Variants in SNX32 observed in about 807,000 individuals in gnomAD.
SNX32 encodes sorting nexin 32, also known as sorting nexin-32.
In SNX32, 58 loss-of-function variants were observed where a neutral mutation model predicts 57.0. That is an observed-to-expected ratio of 1.02 (90% confidence interval 0.82 to 1.27). SNX32 has a LOEUF of 1.27. Among genes scored for constraint, SNX32 ranks in the 50% most tolerant of loss-of-function variants. SNX32 has a pLI of 0.00. For missense variants in SNX32, 589 were observed against 541.2 expected (o/e 1.09, Z -0.88); for synonymous variants, 262 against 220.4 (o/e 1.19, Z -1.67).
chr11:65,850,157 C>CG lies in SNX32; in HGVS notation c.260_261insG (p.Ala88SerfsTer8), dbSNP rs1289661436. Reference sequence around the variant, plus strand: ...CGTCCCTCCTTTGAGCAGATCCCCCCAGCCCCTCCGAGGCCAGACTTTGAG... The same window carrying CG: ...CGTCCCTCCTTTGAGCAGATCCCCCCGAGCCCCTCCGAGGCCAGACTTTGAG... On this transcript the variant is annotated frameshift_variant, in exon 4 of 13. Transcript: ENST00000308342. LOFTEE classifies it high-confidence loss of function. 1 of 1,614,156 alleles carries CG rather than the reference C, an allele frequency of 6.2e-7. No individual in the cohort carries two copies. Among genetic ancestry groups the CG allele is most frequent in the African/African-American group, 1.3e-5 (1 of 74,952 alleles).
intron 1 of SNX32, among the ~76,000 whole-genome samples, chr11:65,843,033 G>A (rs1858890176): frequency 6.7e-6 from 1 of 149,044 alleles, no homozygotes; most frequent in South Asian, 2.1e-4. Flanking sequence ...GACCATCCTG[G>A]CTAACATGGT....
Position 65,849,585 on chromosome 11 carries a change from G to T in SNX32, c.141+3G>T. ...TGAAATTCACTGTTCAAACAAAGGT[G>T]AGGCAGTGCGGGGCACGAGGAAAGG... On this transcript the variant is annotated splice_donor_region_variant and intron_variant, in intron 2 of 12. Coordinates refer to ENST00000308342, the MANE Select transcript of SNX32 (RefSeq NM_152760.3). 6.2e-7 allele frequency: 1 copy of T among 1,613,712 alleles called. No homozygotes were observed. Among genetic ancestry groups the T allele is most frequent in the South Asian group, 1.1e-5 (1 of 91,074 alleles).
chr11:65,847,283 A>G (rs964726854), intron 1 of SNX32, among the ~76,000 whole-genome samples: 2 of 151,990 alleles, frequency 1.3e-5, no homozygotes, highest in African/African-American at 2.4e-5. Flanking sequence ...CCTCTCTCCC[A>G]AAGTGCTGGA....
chr11:65,846,919 G>T (rs962557487), intron 1 of SNX32, among the ~76,000 whole-genome samples: 2 of 151,798 alleles, frequency 1.3e-5, no homozygotes, highest in East Asian at 3.9e-4. Flanking sequence ...GGAGGCGGAG[G>T]TTGTGGTGGG....
chr11:65,851,606 C>A, intron 8 of SNX32, 34 bp from the exon 9 acceptor site: 2 of 1,613,176 alleles, frequency 1.2e-6, no homozygotes, highest in Non-Finnish European at 1.7e-6. Flanking sequence ...GTTCCTCAGC[C>A]CCCTACCCTA....
Position 65,850,768 on chromosome 11 carries a change from G to T in SNX32, c.516G>T (p.Lys172Asn). The T allele has an allele frequency of 6.2e-7, 1 of 1,614,108 alleles. No individual in the cohort carries two copies. Among genetic ancestry groups the T allele is most frequent in the East Asian group, 2.2e-5 (1 of 44,866 alleles). Residue 172 changes from lysine to asparagine, a missense_variant, in exon 6 of 13, where the codon AAG becomes AAT. Lys to Asn is a moderately conservative substitution (Grantham distance 94). Coordinates refer to ENST00000308342, the MANE Select transcript of SNX32 (RefSeq NM_152760.3). ...TGCCTCAGCTGAGTGTCCGGGGGAA[G>T]AACAGGAAGGAGCTCCTCGGAGGGT... is the stretch of plus-strand genomic sequence containing the variant. Reference protein sequence around the residue: ...EYGQDLSVRGKNRKELLGGFL... With the variant: ...EYGQDLSVRGNNRKELLGGFL...
At position 65,850,811 on chromosome 11, in the gene SNX32, A is replaced by G. The variant is rs1859160625; in HGVS notation, c.559A>G (p.Lys187Glu). ...LLGGFLRNIV[K>E]SADEALITGM... ...CGGAGGGTTTCTGAGGAATATTGTG[A>G]AGTCCGCGGATGAAGCCCTCATCAC... is the stretch of plus-strand genomic sequence containing the variant. Residue 187 changes from lysine to glutamate, a missense_variant, in exon 6 of 13, where the codon AAG (lysine) becomes GAG (glutamate). Transcript: ENST00000308342. 7.4e-6 allele frequency: 12 copies of G among 1,614,036 alleles called. No homozygotes were observed. Among genetic ancestry groups the G allele is most frequent in the Non-Finnish European group, 1.0e-5 (12 of 1,179,960 alleles).
Position 65,833,980 on chromosome 11 carries a change from T to G in SNX32, c.-86T>G. 1 of 1,461,834 alleles carries G rather than the reference T, an allele frequency of 6.8e-7. No homozygotes were observed. The highest frequency in any genetic ancestry group is 2.1e-5 in the Admixed American group (1 of 48,570). 90.6% of individuals were successfully genotyped at this position (1,461,834 alleles called of 1,614,324 possible). A position where few individuals can be genotyped will look rare whatever the true frequency, so the allele number is the denominator to read the frequency against. On this transcript the variant is annotated 5_prime_UTR_variant, in exon 1 of 13. Coordinates refer to ENST00000308342, the MANE Select transcript of SNX32 (RefSeq NM_152760.3). ...GCGTCCCCGTCAGCTGAGAGCATCC[T>G]CACTCGGTCAGTTCCTCGGGCGAGT...
chr11:65,850,293 T>G (rs1430999251), intron 4 of SNX32, 22 bp downstream of exon 4: 1 of 1,614,008 alleles, frequency 6.2e-7, no homozygotes, highest in Non-Finnish European at 8.5e-7. Context: ...CTCCTTTCCC[T>G]GCCATCCCCA....
rs201547121 is a variant in SNX32, at chr11:65,850,147, C to T, written c.253-3C>T. ...CTCCCAGCTCCGTCCCTCCTTTGAG[C>T]AGATCCCCCCAGCCCCTCCGAGGCC... is the stretch of plus-strand genomic sequence containing the variant. On this transcript the variant is annotated splice_polypyrimidine_tract_variant and splice_region_variant and intron_variant, in intron 3 of 12. Coordinates refer to ENST00000308342, the MANE Select transcript of SNX32 (RefSeq NM_152760.3). 4.0e-5 allele frequency: 64 copies of T among 1,614,118 alleles called. No homozygotes were observed. Among genetic ancestry groups the T allele is most frequent in the Non-Finnish European group, 5.3e-5 (63 of 1,180,042 alleles).
chr11:65,836,682 G>T (rs1401862432), intron 1 of SNX32, among the ~76,000 whole-genome samples: 1 of 152,164 alleles, frequency 6.6e-6, no homozygotes, highest in Non-Finnish European at 1.5e-5. Flanking sequence ...ACTGGATAGA[G>T]AAAATGTGGC....
intron 4 of SNX32, 64 bp from the exon 5 acceptor site, chr11:65,850,367 A>G: frequency 6.2e-7 from 1 of 1,612,374 alleles, no homozygotes; most frequent in Non-Finnish European, 8.5e-7. Flanking sequence ...CTCTGACCCC[A>G]GAAAGGGGGC....
At chr11:65,851,004 T>A in intron 6 of SNX32, 51 bp from the exon 7 acceptor site, 1 of 1,558,306 alleles carries the variant, frequency 6.4e-7, no homozygotes, top group Non-Finnish European at 8.9e-7. Flanking sequence ...GCCTGTGTTG[T>A]CAAGCCCCGT....
At chr11:65,847,264 C>G (rs551052344) in intron 1 of SNX32, among the ~76,000 whole-genome samples, 1 of 152,046 alleles carries the variant, frequency 6.6e-6, no homozygotes, top group Non-Finnish European at 1.5e-5. Context: ...AGCAATTCTC[C>G]TGCCTCAGCC....
At chr11:65,847,124 C>T (rs760240924) in intron 1 of SNX32, among the ~76,000 whole-genome samples, 8 of 151,772 alleles carry the variant, frequency 5.3e-5, no homozygotes, top group South Asian at 4.1e-4. Context: ...CCACCTCAGC[C>T]CCCCCCAAGT....
At chr11:65,839,348 G>A (rs1858770990) in intron 1 of SNX32, among the ~76,000 whole-genome samples, 1 of 139,376 alleles carries the variant, frequency 7.2e-6, no homozygotes. Flanking sequence ...TCCCGCCTCA[G>A]CCTCCCAAGT....
chr11:65,846,793 G>C (rs1053350187), intron 1 of SNX32, among the ~76,000 whole-genome samples: 2 of 150,578 alleles, frequency 1.3e-5, no homozygotes, highest in Non-Finnish European at 3.0e-5. Context: ...AGACCAGCCT[G>C]ACAAACATGG....
intron 2 of SNX32, 142 bp downstream of exon 2, chr11:65,849,724 G>A (rs1159558225): frequency 2.4e-6 from 2 of 836,768 alleles, no homozygotes; most frequent in South Asian, 3.1e-5. Flanking sequence ...CCTGGAAAGT[G>A]AGCCTCTTAG....
chr11:65,850,582 C>T (rs117613663), intron 5 of SNX32, 28 bp downstream of exon 5: 72,123 of 1,584,664 alleles, frequency 0.046, 2,142 homozygotes, highest in Non-Finnish European at 0.05. Context: ...CCTGGGGTCA[C>T]CCTTGGGCCA....
Sources: allele counts gnomAD v4.1 joint callset (sites outside exome capture counted in the v4.1 genomes callset), GRCh38; gene constraint gnomAD v4.1.1; transcripts MANE v1.5; gene names NCBI Gene and HGNC (gene_info 2026-07-23, HGNC 2026-07-21).